The following ACACA variants were observed in gnomAD, a reference collection of about 807,000 sequenced individuals.
ACACA encodes the protein acetyl-CoA carboxylase 1.
Under a neutral mutation model 296.1 loss-of-function variants are expected in ACACA, and 103 were observed. That is an observed-to-expected ratio of 0.35 (90% CI 0.30 to 0.41). ACACA has a LOEUF of 0.41. Among genes scored for constraint, ACACA ranks in the 10% least tolerant of loss-of-function variants. The pLI, the probability that ACACA is intolerant of heterozygous loss-of-function variation, is 1.00. For missense variants in ACACA, 1,554 were observed against 2,989.7 expected (o/e 0.52, Z 11.20); for synonymous variants, 953 against 1,038.6 (o/e 0.92, Z 1.58).
chr17:37,381,398 C>G (rs2050251730), intron 1 of ACACA, among the ~76,000 whole-genome samples: 1 of 151,788 alleles, frequency 6.6e-6, no homozygotes, highest in Non-Finnish European at 1.5e-5. Context: ...GTTGGCCAGG[C>G]TAGTGTTGAA....
intron 3 of ACACA, among the ~76,000 whole-genome samples, chr17:37,314,551 G>GA (rs1316679229): frequency 6.6e-6 from 1 of 151,702 alleles, no homozygotes; most frequent in Non-Finnish European, 1.5e-5. Flanking sequence ...GACTCTCCTG[G>GA]AAAGTATTAG....
At position 37,246,933 on chromosome 17, in the gene ACACA, C is replaced by G; in HGVS notation, c.2353G>C (p.Glu785Gln). 1 of 1,614,074 alleles carries G rather than the reference C, an allele frequency of 6.2e-7. No individual in the cohort carries two copies. Among genetic ancestry groups the G allele is most frequent in the Non-Finnish European group, 8.5e-7 (1 of 1,180,000 alleles). The change falls in exon 19 of 56, where the codon GAA becomes CAA. Residue 785 changes from glutamate to glutamine, a missense_variant. Physicochemically the swap from Glu to Gln is conservative, Grantham distance 29. This residue lies in a region of ACACA where 316 missense variants were observed against 540.9 expected (regional missense o/e 0.58). Transcript: ENST00000616317. Reference protein sequence around the residue: ...IGNKTCVFEKENDPSVMRSPS... With the variant: ...IGNKTCVFEKQNDPSVMRSPS... ...GAGCGCATCACCGATGGGTCATTTT[C>G]CTTCTCAAACACACAGGTTTTATTG...
intron 3 of ACACA, among the ~76,000 whole-genome samples, chr17:37,288,227 AT>A (rs942124447): frequency 2.0e-5 from 3 of 151,892 alleles, no homozygotes; most frequent in African/African-American, 7.3e-5. Flanking sequence ...ATTCTTTTTA[AT>A]TTTTTTATTA....
chr17:37,340,809 A>T (rs1314772575), intron 1 of ACACA, among the ~76,000 whole-genome samples: 1 of 152,244 alleles, frequency 6.6e-6, no homozygotes, highest in East Asian at 1.9e-4. Flanking sequence ...TCAAGCTCAA[A>T]CTCTGACTGT....
chr17:37,348,980 TG>T (rs1444330098), intron 1 of ACACA, among the ~76,000 whole-genome samples: 2 of 151,468 alleles, frequency 1.3e-5, no homozygotes, highest in African/African-American at 4.8e-5. Context: ...ATGCAATAAC[TG>T]ATGTTGGCAA....
intron 52 of ACACA, among the ~76,000 whole-genome samples, chr17:37,102,124 G>T (rs889744346): frequency 1.3e-5 from 2 of 151,560 alleles, no homozygotes; most frequent in African/African-American, 4.9e-5. Flanking sequence ...TCAACTTTAT[G>T]CCAGGGTGTC....
intron 1 of ACACA, among the ~76,000 whole-genome samples, chr17:37,356,724 A>C (rs945393394): frequency 1.3e-5 from 2 of 152,110 alleles, no homozygotes; most frequent in Non-Finnish European, 2.9e-5. Context: ...TAATGAGATA[A>C]CTTTTTTTTC....
chr17:37,218,246 G>A (rs926102260), intron 29 of ACACA, among the ~76,000 whole-genome samples: 8 of 151,538 alleles, frequency 5.3e-5, no homozygotes, highest in Non-Finnish European at 8.8e-5. Context: ...GCCACATGCA[G>A]CTAGGGTAGT....
At chr17:37,215,112 G>A (rs2078925245) in intron 29 of ACACA, among the ~76,000 whole-genome samples, 3 of 152,144 alleles carry the variant, frequency 2.0e-5, no homozygotes, top group African/African-American at 4.8e-5. Flanking sequence ...TGCTATCAGG[G>A]GAAAACACAG....
intron 45 of ACACA, chr17:37,143,722 C>A (rs1460682988): frequency 1.1e-6 from 1 of 902,690 alleles, no homozygotes; most frequent in South Asian, 1.4e-5. Flanking sequence ...CCTCCTCATC[C>A]TCTTCATCTT....
Position 37,087,327 on chromosome 17 carries a change from G to A in ACACA, c.7141C>T (p.Pro2381Ser). ...GCAGGAAGCTCTTCCTACGTGGAAG[G>A]GGAATCCATTGTGGAGAGGATCCGT... ...VIRILSTMDS[P>S]ST is the part of the protein sequence containing the mutation. Residue 2381 changes from proline (P) to serine (S), a missense_variant, in exon 56 of 56, where the codon CCT (proline) becomes TCT (serine). By Grantham distance (74) the Pro-to-Ser change is moderately conservative. Around this residue, in one of 16 missense-constraint regions of ACACA, gnomAD observed 553 missense variants for 1,043.6 expected, o/e 0.53. Coordinates refer to ENST00000616317, the MANE Select transcript of ACACA (RefSeq NM_198834.3). 6.2e-7 allele frequency: 1 copy of A among 1,614,170 alleles called. No homozygotes were observed.
chr17:37,109,334 GATA>G (rs1388403280), intron 52 of ACACA, among the ~76,000 whole-genome samples: 1 of 152,206 alleles, frequency 6.6e-6, no homozygotes, highest in Admixed American at 6.5e-5. Flanking sequence ...AAGACAGAAA[GATA>G]ATGATGCAAT....
intron 3 of ACACA, chr17:37,289,521 T>C (rs2146688702): frequency 7.4e-7 from 1 of 1,350,654 alleles, no homozygotes; most frequent in African/African-American, 1.5e-5. Context: ...CCACGAGTAT[T>C]TCAAAGTCTG....
intron 41 of ACACA, among the ~76,000 whole-genome samples, chr17:37,168,780 C>T (rs1052094325): frequency 1.1e-4 from 17 of 152,100 alleles, no homozygotes; most frequent in African/African-American, 4.1e-4. Context: ...AGAGTGTAAA[C>T]ATATGTATAT....
At chr17:37,175,567 T>G (rs755246739) in intron 41 of ACACA, among the ~76,000 whole-genome samples, 8 of 152,238 alleles carry the variant, frequency 5.3e-5, no homozygotes, top group Non-Finnish European at 1.0e-4. Flanking sequence ...TTACATACAG[T>G]GCCCATCACT....
chr17:37,213,436 T>A (rs752491239), intron 29 of ACACA, among the ~76,000 whole-genome samples: 22 of 152,150 alleles, frequency 1.4e-4, no homozygotes, highest in Middle Eastern at 3.4e-3. Flanking sequence ...GGACATAAAT[T>A]CACTTCCTAT....
chr17:37,249,091 A>G (rs1325223227), intron 16 of ACACA, among the ~76,000 whole-genome samples: 1 of 152,238 alleles, frequency 6.6e-6, no homozygotes, highest in East Asian at 1.9e-4. Flanking sequence ...CATACTTCAT[A>G]TAAGTAAAAC....
At chr17:37,266,764 T>C (rs936564154) in intron 10 of ACACA, among the ~76,000 whole-genome samples, 6 of 152,202 alleles carry the variant, frequency 3.9e-5, no homozygotes, top group Non-Finnish European at 8.8e-5. Flanking sequence ...CTAGAAGCAC[T>C]CCACAGATAC....
intron 39 of ACACA, among the ~76,000 whole-genome samples, chr17:37,185,403 T>TC (rs2077491275): frequency 1.6e-5 from 1 of 63,132 alleles, no homozygotes; most frequent in Non-Finnish European, 3.1e-5. Flanking sequence ...TGGCTATTTC[T>TC]TTTTTTTTTT....
Sources: allele counts gnomAD v4.1 joint callset (sites outside exome capture counted in the v4.1 genomes callset), GRCh38; gene constraint gnomAD v4.1.1; regional missense constraint gnomAD v4.1.1; transcripts MANE v1.5; gene names NCBI Gene and HGNC (gene_info 2026-07-23, HGNC 2026-07-21).